The following NRG3 variants were observed in gnomAD, a reference collection of about 807,000 sequenced individuals.
The protein encoded by NRG3 is neuregulin 3, also known as pro-neuregulin-3, membrane-bound isoform.
Under a neutral mutation model 66.9 loss-of-function variants are expected in NRG3, and 31 were observed. That is an observed-to-expected ratio of 0.46 (90% CI 0.35 to 0.63). NRG3 has a LOEUF of 0.63. Among genes scored for constraint, NRG3 ranks in the 20% least tolerant of loss-of-function variants. NRG3 has a pLI of 0.00. For missense variants in NRG3, 910 were observed against 878.9 expected (o/e 1.04, Z -0.45); for synonymous variants, 393 against 359.4 (o/e 1.09, Z -1.06).
At position 82,494,368 on chromosome 10, in the gene NRG3, G is replaced by A. The variant is rs374365615; in HGVS notation, c.953+135500G>A. 4.6e-5 allele frequency among the ~76,000 whole-genome samples: 7 copies of A among 151,982 alleles called. 1 individual carries two copies. ...CACATAGGTAAGAAAACTCAAATAC[G>A]ATCTCCTTTTGCAAAATTTTTATTA... On this transcript the variant is annotated intron_variant, in intron 2 of 8. Transcript: ENST00000372141.
chr10:82,616,308 A>G (rs759128683), intron 2 of NRG3, among the ~76,000 whole-genome samples: 1 of 152,194 alleles, frequency 6.6e-6, no homozygotes, highest in Non-Finnish European at 1.5e-5. Context: ...AAAAACAAGC[A>G]CCAATATTTC....
At chr10:81,919,964 A>C (rs1846098635) in intron 1 of NRG3, among the ~76,000 whole-genome samples, 1 of 152,220 alleles carries the variant, frequency 6.6e-6, no homozygotes, top group African/African-American at 2.4e-5. Context: ...TGCTAGCCAC[A>C]TCTGACAGAT....
chr10:82,323,694 T>A (rs896753139), intron 1 of NRG3, among the ~76,000 whole-genome samples: 1 of 152,134 alleles, frequency 6.6e-6, no homozygotes, highest in Non-Finnish European at 1.5e-5. Flanking sequence ...TTTTTTAAAT[T>A]ACATTTATGG....
intron 2 of NRG3, among the ~76,000 whole-genome samples, chr10:82,592,548 A>C (rs956894915): frequency 3.1e-4 from 47 of 152,282 alleles, no homozygotes; most frequent in African/African-American, 1.1e-3. Flanking sequence ...TCATGTGCCA[A>C]ATGGAAGCCA....
chr10:82,921,216 G>A (rs893562915), intron 4 of NRG3, among the ~76,000 whole-genome samples: 2 of 152,050 alleles, frequency 1.3e-5, no homozygotes, highest in African/African-American at 4.8e-5. Flanking sequence ...CCCTAGTCTA[G>A]TCATGAGAAA....
intron 2 of NRG3, among the ~76,000 whole-genome samples, chr10:82,566,642 G>T (rs372201695): frequency 1.4e-4 from 21 of 151,848 alleles, no homozygotes; most frequent in Admixed American, 1.2e-3. Context: ...ATGCTCTGAC[G>T]AACTTAGATT....
chr10:82,370,199 G>A (rs2084789180), intron 2 of NRG3, among the ~76,000 whole-genome samples: 2 of 138,928 alleles, frequency 1.4e-5, no homozygotes, highest in Admixed American at 6.8e-5. Context: ...AGAAGAATTG[G>A]ATCACATGCA....
At chr10:82,561,282 T>TTTG (rs1012545541) in intron 2 of NRG3, among the ~76,000 whole-genome samples, 17 of 152,246 alleles carry the variant, frequency 1.1e-4, no homozygotes, top group Middle Eastern at 3.4e-3. Flanking sequence ...TTTGCTGCTT[T>TTTG]TTGTTGTTGT....
intron 2 of NRG3, among the ~76,000 whole-genome samples, chr10:82,502,238 T>G (rs972602895): frequency 2.6e-5 from 4 of 152,138 alleles, no homozygotes; most frequent in Non-Finnish European, 5.9e-5. Flanking sequence ...GGTTCTGGAG[T>G]CCTGTTCCTC....
chr10:82,275,961 A>G (rs915042508), intron 1 of NRG3, among the ~76,000 whole-genome samples: 12 of 152,110 alleles, frequency 7.9e-5, no homozygotes, highest in Admixed American at 2.6e-4. Context: ...TTAATATGCA[A>G]ATATTCTGCA....
At chr10:81,902,486 C>A (rs1844171790) in intron 1 of NRG3, among the ~76,000 whole-genome samples, 1 of 152,234 alleles carries the variant, frequency 6.6e-6, no homozygotes, top group Admixed American at 6.5e-5. Flanking sequence ...GAGGAGAGGG[C>A]TTGCTTTTTC....
intron 2 of NRG3, among the ~76,000 whole-genome samples, chr10:82,730,194 C>T (rs2057828958): frequency 6.6e-6 from 1 of 151,278 alleles, no homozygotes; most frequent in Non-Finnish European, 1.5e-5. Flanking sequence ...CAGCCATTCT[C>T]CTGCCTCAGC....
intron 1 of NRG3, among the ~76,000 whole-genome samples, chr10:82,313,579 A>G (rs1230871982): frequency 6.6e-6 from 1 of 152,108 alleles, no homozygotes; most frequent in African/African-American, 2.4e-5. Flanking sequence ...CTGCATGGCC[A>G]GTCCTGACCT....
At chr10:82,712,140 G>C (rs7094441) in intron 2 of NRG3, among the ~76,000 whole-genome samples, 11,001 of 151,824 alleles carry the variant, frequency 0.072, 1,111 homozygotes, top group African/African-American at 0.23. Flanking sequence ...ATTTTGAATG[G>C]GATTTTTAAA....
intron 1 of NRG3, among the ~76,000 whole-genome samples, chr10:82,356,493 A>T (rs929766584): frequency 6.6e-6 from 1 of 152,176 alleles, no homozygotes; most frequent in Non-Finnish European, 1.5e-5. Flanking sequence ...CCATAGAGAG[A>T]TTGATTCTGT....
At chr10:82,586,696 T>C (rs920375287) in intron 2 of NRG3, among the ~76,000 whole-genome samples, 3 of 152,218 alleles carry the variant, frequency 2.0e-5, no homozygotes, top group Admixed American at 2.0e-4. Flanking sequence ...TCACCATCTT[T>C]ATTTTATCTT....
intron 1 of NRG3, among the ~76,000 whole-genome samples, chr10:82,086,503 A>T (rs2065732151): frequency 6.6e-6 from 1 of 152,086 alleles, no homozygotes; most frequent in Non-Finnish European, 1.5e-5. Context: ...CATCTCTTTC[A>T]GTCCAACCTG....
At chr10:82,940,112 A>G (rs753490299) in intron 4 of NRG3, among the ~76,000 whole-genome samples, 5 of 152,154 alleles carry the variant, frequency 3.3e-5, no homozygotes, top group Non-Finnish European at 5.9e-5. Context: ...GAAAAGGTGC[A>G]AAAGGAATGC....
chr10:82,522,529 C>T (rs962743318), intron 2 of NRG3, among the ~76,000 whole-genome samples: 2 of 152,060 alleles, frequency 1.3e-5, no homozygotes, highest in African/African-American at 4.8e-5. Context: ...TTTAAAAGTT[C>T]GAAATATTTC....
Sources: allele counts gnomAD v4.1 joint callset (sites outside exome capture counted in the v4.1 genomes callset), GRCh38; gene constraint gnomAD v4.1.1; transcripts MANE v1.5; gene names NCBI Gene and HGNC (gene_info 2026-07-23, HGNC 2026-07-21).